Variants in NDST4 observed in about 807,000 individuals in gnomAD.
NDST4 encodes the protein N-deacetylase and N-sulfotransferase 4.
NDST4 carries 63 observed loss-of-function variants against 100.8 expected under a neutral mutation model. That is an observed-to-expected ratio of 0.62 (90% CI 0.51 to 0.77). The LOEUF (loss-of-function observed/expected upper bound fraction) is 0.77. NDST4 is among the 30% of genes least tolerant of loss of function. The pLI, the probability that NDST4 is intolerant of heterozygous loss-of-function variation, is 0.00. For synonymous variants in NDST4, 377 were observed against 361.8 expected (o/e 1.04, Z -0.48); for missense variants, 943 against 1,018.4 (o/e 0.93, Z 1.01).
At chr4:114,900,520 C>T (rs1452923266) in intron 6 of NDST4, among the ~76,000 whole-genome samples, 7 of 151,950 alleles carry the variant, frequency 4.6e-5, no homozygotes, top group African/African-American at 1.7e-4. Context: ...TTTACTGTAC[C>T]TTTTCTATGT....
At chr4:114,901,829 T>C (rs1724846532) in intron 6 of NDST4, among the ~76,000 whole-genome samples, 1 of 151,950 alleles carries the variant, frequency 6.6e-6, no homozygotes, top group South Asian at 2.1e-4. Context: ...TCTTCTTCCT[T>C]TTTTCTTCTT....
chr4:115,099,291 T>C (rs1473573348), intron 1 of NDST4, among the ~76,000 whole-genome samples: 1 of 151,326 alleles, frequency 6.6e-6, no homozygotes, highest in Admixed American at 6.6e-5. Context: ...AAAGGAACAA[T>C]CCAAAAAAGA....
At chr4:114,833,552 A>G in intron 12 of NDST4, 54 bp downstream of exon 12, 1 of 1,174,386 alleles carries the variant, frequency 8.5e-7, no homozygotes, top group Non-Finnish European at 1.3e-6. Context: ...CCTACCAGTG[A>G]TAATTTATGA....
intron 10 of NDST4, among the ~76,000 whole-genome samples, chr4:114,840,859 T>G (rs748125992): frequency 6.6e-6 from 1 of 152,088 alleles, no homozygotes; most frequent in Admixed American, 6.6e-5. Context: ...GTAAAGATGA[T>G]TAGGAATTGA....
intron 2 of NDST4, among the ~76,000 whole-genome samples, chr4:114,993,808 A>G (rs1294774044): frequency 6.6e-6 from 1 of 151,884 alleles, no homozygotes; most frequent in African/African-American, 2.4e-5. Flanking sequence ...TACCACTGCA[A>G]CTCAGGATGC....
intron 12 of NDST4, among the ~76,000 whole-genome samples, chr4:114,831,054 T>C (rs925185632): frequency 2.0e-5 from 3 of 150,570 alleles, no homozygotes; most frequent in African/African-American, 7.3e-5. Flanking sequence ...GGACTTTTCT[T>C]TTTTTTTTTG....
intron 2 of NDST4, among the ~76,000 whole-genome samples, chr4:115,055,792 A>G (rs1728681801): frequency 6.6e-6 from 1 of 152,170 alleles, no homozygotes; most frequent in African/African-American, 2.4e-5. Flanking sequence ...GGCCAGCAAG[A>G]TATACAAATG....
chr4:114,970,434 G>A lies in NDST4; in HGVS notation c.1217C>T (p.Ala406Val). The change falls in exon 4 of 14, where the codon GCA becomes GTA. Residue 406 changes from alanine (A) to valine (V), a missense_variant. This residue lies in a region of NDST4 where 526 missense variants were observed against 634.1 expected (regional missense o/e 0.83). Transcript: ENST00000264363. ...ACCACAATAAAATGTGCTCACCAGTGCAAATTCCTTGTTGAGAATCATCTG... is the reference window on the plus strand; with the variant it reads ...ACCACAATAAAATGTGCTCACCAGTACAAATTCCTTGTTGAGAATCATCTG... ...VEQMILNKEF[A>V]LEHGIPINMG... The A allele has an allele frequency of 6.2e-7, 1 of 1,612,906 alleles. No individual in the cohort carries two copies. The highest frequency in any genetic ancestry group is 1.7e-5 in the Admixed American group (1 of 59,866).
chr4:114,977,008 T>G (rs1167060649), intron 3 of NDST4, among the ~76,000 whole-genome samples, 179 bp downstream of exon 3: 2 of 150,912 alleles, frequency 1.3e-5, no homozygotes, highest in Non-Finnish European at 1.5e-5. Flanking sequence ...TTGCCCTTGA[T>G]TTTAAACAGT....
At chr4:115,016,070 T>C (rs1466962112) in intron 2 of NDST4, among the ~76,000 whole-genome samples, 2 of 152,062 alleles carry the variant, frequency 1.3e-5, no homozygotes, top group Non-Finnish European at 2.9e-5. Flanking sequence ...GAATGCCTTA[T>C]TTATAGTCAT....
chr4:115,021,925 T>G lies in NDST4; in HGVS notation c.979-44651A>C, dbSNP rs563288472. ...ACATTCCATATATATATGTTCCACA[T>G]CTATACACATTCCATATATATAGTT... is the stretch of plus-strand genomic sequence containing the variant. On this transcript the variant is annotated intron_variant, in intron 2 of 13. Coordinates refer to ENST00000264363, the MANE Select transcript of NDST4 (RefSeq NM_022569.3). 1.3e-4 allele frequency among the ~76,000 whole-genome samples: 19 copies of G among 151,978 alleles called. No individual in the cohort carries two copies. In the South Asian group the frequency reaches 2.5e-3, roughly 20 times the overall value.
At chr4:114,969,321 GAAAAA>G (rs70964334) in intron 4 of NDST4, among the ~76,000 whole-genome samples, 77 of 90,750 alleles carry the variant, frequency 8.5e-4, no homozygotes, top group Non-Finnish European at 3.6e-4. Context: ...CTCAAAAAAA[GAAAAA>G]AAAAAAAAAA....
At chr4:115,061,758 C>G (rs926310414) in intron 2 of NDST4, among the ~76,000 whole-genome samples, 6 of 152,076 alleles carry the variant, frequency 3.9e-5, no homozygotes, top group Admixed American at 1.3e-4. Flanking sequence ...CCTGTACATT[C>G]TGCACATGTA....
At chr4:115,007,516 G>GT (rs888929832) in intron 2 of NDST4, among the ~76,000 whole-genome samples, 1 of 152,138 alleles carries the variant, frequency 6.6e-6, no homozygotes, top group Non-Finnish European at 1.5e-5. Context: ...TTAAGAAAGA[G>GT]TTTTTTATTC....
At chr4:114,909,890 T>C (rs967523651) in intron 6 of NDST4, among the ~76,000 whole-genome samples, 14 of 152,136 alleles carry the variant, frequency 9.2e-5, no homozygotes, top group Non-Finnish European at 1.6e-4. Flanking sequence ...TCATTTGAAA[T>C]GTAAATTTTA....
chr4:114,974,482 G>A (rs892630090), intron 3 of NDST4, among the ~76,000 whole-genome samples: 3 of 152,104 alleles, frequency 2.0e-5, no homozygotes, highest in African/African-American at 7.2e-5. Context: ...CCAAGGAACA[G>A]CAATGATTGT....
intron 2 of NDST4, among the ~76,000 whole-genome samples, chr4:115,014,570 G>T (rs536571181): frequency 4.6e-5 from 7 of 152,154 alleles, no homozygotes; most frequent in Middle Eastern, 3.4e-3. Context: ...AGATTTTTTA[G>T]TAGGGTTCAG....
intron 12 of NDST4, 21 bp from the exon 13 acceptor site, chr4:114,829,913 T>C (rs1208418844): frequency 1.3e-6 from 2 of 1,555,668 alleles, no homozygotes; most frequent in South Asian, 1.2e-5. Flanking sequence ...TAAAACATAA[T>C]GATTACAAAT....
intron 7 of NDST4, among the ~76,000 whole-genome samples, chr4:114,868,859 T>C (rs1005841664): frequency 6.6e-6 from 1 of 151,184 alleles, no homozygotes; most frequent in Non-Finnish European, 1.5e-5. Context: ...TTATCTTTTC[T>C]GAGTTATTCT....
Sources: gnomAD v4.1 joint callset for allele counts (sites outside exome capture counted in the v4.1 genomes callset) on GRCh38, gnomAD v4.1.1 for gene constraint, gnomAD v4.1.1 regional missense constraint, MANE v1.5 for transcripts, NCBI Gene and HGNC (gene_info 2026-07-23, HGNC 2026-07-21) for gene names.